The following CUX1 variants were observed in gnomAD, a reference collection of about 807,000 sequenced individuals.
CUX1 encodes cut like homeobox 1.
A neutral mutation model predicts 158.8 loss-of-function variants in CUX1; 31 were observed. That is an observed-to-expected ratio of 0.20 (90% CI 0.15 to 0.26). CUX1 has a LOEUF of 0.26. Ranked by LOEUF, CUX1 falls within the 10% of genes least tolerant of loss-of-function variation. The pLI is 1.00. For missense variants in CUX1, 1,589 were observed against 2,014.6 expected, an observed-to-expected ratio of 0.79 and a Z score of 4.04; for synonymous variants, 879 against 862.1, an observed-to-expected ratio of 1.02 and a Z score of -0.34.
chr7:102,170,392 G>T, intron 9 of CUX1, 54 bp from the exon 10 acceptor site: 2 of 1,207,538 alleles, frequency 1.7e-6, no homozygotes, highest in Non-Finnish European at 2.4e-6. Context: ...TGTAATAATT[G>T]TCAGTTGTTA....
intron 9 of CUX1, among the ~76,000 whole-genome samples, chr7:102,164,582 C>T (rs1790805163): frequency 6.6e-6 from 1 of 152,188 alleles, no homozygotes; most frequent in South Asian, 2.1e-4. Flanking sequence ...CTGACCCTCA[C>T]CACGGAGAGT....
intron 12 of CUX1, among the ~76,000 whole-genome samples, chr7:102,190,687 G>A (rs782184243): frequency 2.6e-5 from 4 of 152,128 alleles, no homozygotes; most frequent in Non-Finnish European, 4.4e-5. Context: ...CGTGCTTCTC[G>A]CGGCTGGAGC....
chr7:102,275,597 T>A (rs1554547576), intron 17 of CUX1, among the ~76,000 whole-genome samples: 1 of 152,042 alleles, frequency 6.6e-6, no homozygotes, highest in Non-Finnish European at 1.5e-5. Context: ...GGAGCATAGA[T>A]CATTCCAGGT....
intron 3 of CUX1, among the ~76,000 whole-genome samples, chr7:102,066,112 G>A (rs769575038): frequency 5.9e-5 from 9 of 152,196 alleles, no homozygotes; most frequent in Middle Eastern, 3.4e-3. Context: ...TTAAAACCCC[G>A]ATGTCCACGG....
chr7:101,984,089 A>AAT (rs1195893037), intron 2 of CUX1, among the ~76,000 whole-genome samples: 48 of 29,758 alleles, frequency 1.6e-3, no homozygotes, highest in South Asian at 3.2e-3. Flanking sequence ...AAAAAAAAAA[A>AAT]ATATATATAT....
Position 101,932,464 on chromosome 7 carries a change from C to T in CUX1, c.141+16239C>T, listed in dbSNP as rs979386271. 34 of 401,156 alleles carry T rather than the reference C, an allele frequency of 8.5e-5. No homozygotes were observed. The East Asian group carries it at 2.4e-3, about 28-fold the overall frequency. 24.8% of individuals were successfully genotyped at this position (401,156 alleles called of 1,614,324 possible). ...TCTTTTGCACTTTTGCATTTTAAAA[C>T]GTGCATCGCTTACGAGCGCAGCATT... On this transcript the variant is annotated intron_variant, in intron 2 of 23. Transcript: ENST00000292535.
intron 1 of CUX1, among the ~76,000 whole-genome samples, chr7:101,901,734 G>A (rs1027917706): frequency 6.6e-6 from 1 of 152,192 alleles, no homozygotes; most frequent in Non-Finnish European, 1.5e-5. Context: ...CCAGCAGCCC[G>A]TGTCTGCCCG....
At chr7:102,060,516 C>G (rs2130348889) in intron 3 of CUX1, among the ~76,000 whole-genome samples, 1 of 148,812 alleles carries the variant, frequency 6.7e-6, no homozygotes, top group East Asian at 1.9e-4. Flanking sequence ...GAGGGAGTTA[C>G]TACCCTCACT....
At chr7:101,838,275 G>A (rs955346381) in intron 1 of CUX1, among the ~76,000 whole-genome samples, 2 of 151,360 alleles carry the variant, frequency 1.3e-5, no homozygotes, top group African/African-American at 2.4e-5. Context: ...GACTACAGGC[G>A]CCTGCCACCA....
chr7:102,052,727 A>G (rs1456836765), intron 3 of CUX1, among the ~76,000 whole-genome samples: 1 of 152,202 alleles, frequency 6.6e-6, no homozygotes, highest in Non-Finnish European at 1.5e-5. Flanking sequence ...CTGTTTTCCA[A>G]GGTGGCTGTG....
chr7:102,140,506 A>G (rs1434360309), intron 8 of CUX1, among the ~76,000 whole-genome samples: 1 of 150,096 alleles, frequency 6.7e-6, no homozygotes, highest in Admixed American at 6.6e-5. Context: ...TTAGCCTCCC[A>G]AAGTGCTAGG....
chr7:102,201,010 G>A lies in CUX1; in HGVS notation c.2063-350G>A, dbSNP rs1383573448. On this transcript the variant is annotated intron_variant, in intron 17 of 23. Coordinates refer to ENST00000292535, the MANE Select transcript of CUX1 (RefSeq NM_181552.4). This position sits in a 1 kb window ranked among gnomAD's most constrained non-coding sequence, Gnocchi z 5.0. ...CCACTGCGCTCCAGCCTGGACAACAGCGAGATCCTGTCGCTAAAAAAAAAA... is the reference window on the plus strand; with the variant it reads ...CCACTGCGCTCCAGCCTGGACAACAACGAGATCCTGTCGCTAAAAAAAAAA... Among the ~76,000 whole-genome samples, 1 of 118,286 alleles carries A rather than the reference G, an allele frequency of 8.5e-6. No individual in the cohort carries two copies. Among genetic ancestry groups the A allele is most frequent in the Non-Finnish European group, 1.6e-5 (1 of 61,508 alleles). The allele number at this position is 118,286 out of a possible 152,430, so 77.6% of individuals were successfully genotyped here.
intron 1 of CUX1, among the ~76,000 whole-genome samples, chr7:101,827,213 T>C (rs1793403746): frequency 6.6e-6 from 1 of 151,594 alleles, no homozygotes; most frequent in South Asian, 2.1e-4. Flanking sequence ...CAGTCAAAAA[T>C]CCACGTATAA....
chr7:102,094,716 C>T (rs1307584763), intron 4 of CUX1, among the ~76,000 whole-genome samples: 1 of 152,162 alleles, frequency 6.6e-6, no homozygotes, highest in Non-Finnish European at 1.5e-5. Context: ...GAATTTTATA[C>T]GTGATCAAAG....
At chr7:101,914,811 G>C (rs1478193218) in intron 1 of CUX1, among the ~76,000 whole-genome samples, 2 of 152,068 alleles carry the variant, frequency 1.3e-5, no homozygotes, top group African/African-American at 4.8e-5. Context: ...TCCATGATTT[G>C]TAAGTTGACA....
In CUX1 at chr7:102,249,447, G is replaced by GGAAATGT; in HGVS notation, c.*407_*413dup. Reference sequence around the variant, plus strand: ...ATGTCGTGTTTTCAAGGAAGAAAACGGAAATGTGTGGTCGAGCTTTTTTGT... The same window carrying GGAAATGT: ...ATGTCGTGTTTTCAAGGAAGAAAACGGAAATGTGAAATGTGTGGTCGAGCTTTTTTGT... On this transcript the variant is annotated 3_prime_UTR_variant, in exon 24 of 24. Coordinates refer to ENST00000292535, the MANE Select transcript of CUX1 (RefSeq NM_181552.4). 1 of 985,942 alleles carries GGAAATGT rather than the reference G, an allele frequency of 1.0e-6. No individual in the cohort carries two copies. Among genetic ancestry groups the GGAAATGT allele is most frequent in the East Asian group, 1.1e-4 (1 of 8,842 alleles). 61.1% of individuals were successfully genotyped at this position (985,942 alleles called of 1,614,324 possible).
At chr7:102,272,883 C>T (rs113679676) in intron 14 of CUX1, among the ~76,000 whole-genome samples, 8,361 of 152,232 alleles carry the variant, frequency 0.055, 304 homozygotes, top group Middle Eastern at 0.095. Context: ...CACCCCTACG[C>T]GCCCCACTGC....
chr7:102,231,354 G>T (rs546532929), intron 21 of CUX1, among the ~76,000 whole-genome samples: 1 of 151,836 alleles, frequency 6.6e-6, no homozygotes, highest in African/African-American at 2.4e-5. Context: ...AATAGAGATG[G>T]GGTTTCACCA....
At position 101,824,051 on chromosome 7, in the gene CUX1, A is replaced by G. The variant is rs879435468; in HGVS notation, c.30+6382A>G. Among the ~76,000 whole-genome samples, 36 of 152,304 alleles carry G rather than the reference A, an allele frequency of 2.4e-4. 1 individual carries two copies. The highest frequency in any genetic ancestry group is 1.6e-3 in the Admixed American group (25 of 15,290). Reference sequence around the variant, plus strand: ...TTGCCATGATTTTGTTTTCTCTAACATAGTTTAATATCTTTAAGACAGAAC... The same window carrying G: ...TTGCCATGATTTTGTTTTCTCTAACGTAGTTTAATATCTTTAAGACAGAAC... On this transcript the variant is annotated intron_variant, in intron 1 of 23. Transcript: ENST00000292535.
Sources: gnomAD v4.1 joint callset for allele counts (sites outside exome capture counted in the v4.1 genomes callset) on GRCh38, gnomAD v4.1.1 for gene constraint, Gnocchi (gnomAD v3.1) non-coding constraint, MANE v1.5 for transcripts, NCBI Gene and HGNC (gene_info 2026-07-23, HGNC 2026-07-21) for gene names.